USHBP1: variants seen among roughly 807,000 people sequenced by gnomAD.
The protein encoded by USHBP1 is USH1 protein network component harmonin binding protein 1.
A neutral mutation model predicts 76.2 loss-of-function variants in USHBP1; 67 were observed. The observed-to-expected ratio is 0.88, with a 90% CI of 0.72 to 1.08. The LOEUF (loss-of-function observed/expected upper bound fraction) is 1.08, where lower values mean the gene tolerates loss of function less well. USHBP1 is among the 50% of genes least tolerant of loss of function. USHBP1 has a pLI of 0.00. For synonymous variants in USHBP1, 322 were observed against 362.2 expected, an observed-to-expected ratio of 0.89 and a Z score of 1.26; for missense variants, 931 against 915.0, an observed-to-expected ratio of 1.02 and a Z score of -0.23.
rs373703422 is a variant in USHBP1, at chr19:17,258,204, G to A, written c.1220+8C>T. 2.7e-5 allele frequency: 44 copies of A among 1,613,226 alleles called. No homozygotes were observed. The highest frequency in any genetic ancestry group is 3.6e-5 in the Non-Finnish European group (42 of 1,180,020). Reference sequence around the variant, plus strand: ...ACCAGGCCAGTTCCCAGGGTTCCAGGGGGGTACCTTGGCTGTGGATTCTGC... The same window carrying A: ...ACCAGGCCAGTTCCCAGGGTTCCAGAGGGGTACCTTGGCTGTGGATTCTGC... On this transcript the variant is annotated splice_region_variant and intron_variant, in intron 8 of 12. Transcript: ENST00000252597.
intron 12 of USHBP1, among the ~76,000 whole-genome samples, chr19:17,250,885 G>A (rs2073542207): frequency 6.8e-6 from 1 of 146,884 alleles, no homozygotes; most frequent in East Asian, 2.0e-4. Context: ...TTTGAGATGG[G>A]GTTTCGCTCT....
Position 17,264,231 on chromosome 19 carries a change from G to C in USHBP1, c.54+15C>G, listed in dbSNP as rs765207550. On this transcript the variant is annotated intron_variant, in intron 2 of 12. Coordinates refer to ENST00000252597, the MANE Select transcript of USHBP1 (RefSeq NM_031941.4). ...CCCCAGGATCTGGGTGTGGAGGGGA[G>C]AGGGTGACACTTACGGGTGGAGCAT... 5.0e-6 allele frequency: 8 copies of C among 1,613,774 alleles called. No homozygotes were observed. The highest frequency in any genetic ancestry group is 6.8e-6 in the Non-Finnish European group (8 of 1,179,920).
At chr19:17,261,907 A>G (rs1006287903) in intron 4 of USHBP1, among the ~76,000 whole-genome samples, 1 of 147,250 alleles carries the variant, frequency 6.8e-6, no homozygotes, top group African/African-American at 2.5e-5. Context: ...CTGGTCTCTA[A>G]CTCCTGGCCT....
At chr19:17,259,789 A>T in intron 5 of USHBP1, 57 bp from the exon 6 acceptor site, 1 of 1,579,950 alleles carries the variant, frequency 6.3e-7, no homozygotes, top group Non-Finnish European at 8.6e-7. Flanking sequence ...CTGGGATTGT[A>T]GGCATTTTGC....
At chr19:17,255,163 G>C (rs775130541) in intron 10 of USHBP1, among the ~76,000 whole-genome samples, 7 of 151,892 alleles carry the variant, frequency 4.6e-5, no homozygotes, top group African/African-American at 1.7e-4. Context: ...GTGGTGGTGC[G>C]TGTCTGTAAT....
intron 8 of USHBP1, 40 bp downstream of exon 8, chr19:17,258,172 C>T: frequency 6.2e-7 from 1 of 1,610,734 alleles, no homozygotes; most frequent in Non-Finnish European, 8.5e-7. Flanking sequence ...CAAGACCCCA[C>T]TCCTCAACCA....
chr19:17,253,658 C>T (rs139042930), intron 10 of USHBP1, among the ~76,000 whole-genome samples: 3,520 of 145,664 alleles, frequency 0.024, 108 homozygotes, highest in African/African-American at 0.074. Flanking sequence ...TTTGGGAGGC[C>T]GAGACGGGCG....
At position 17,262,866 on chromosome 19, in the gene USHBP1, G is replaced by GCA; in HGVS notation, c.326_327dup (p.Pro110CysfsTer18). On this transcript the variant is annotated frameshift_variant, in exon 4 of 13. Transcript: ENST00000252597. LOFTEE classifies it high-confidence loss of function. ...ACATCGGGGGCCCCATTCCCAGGGG[G>GCA]CACAGTCTCCTTGTACTGTAGGGCT... 1.9e-6 allele frequency: 3 copies of GCA among 1,612,716 alleles called. No homozygotes were observed. Among genetic ancestry groups the GCA allele is most frequent in the Non-Finnish European group, 2.5e-6 (3 of 1,179,072 alleles).
rs2073706498 is a variant in USHBP1 at position 17,262,780 on chromosome 19, G to A, written c.414C>T (p.His138=). ...SLEAAAAAWR[H]QPPSHSGPME... ...TCGGCCCAGAATGGCTGGGGGGCTG[G>A]TGGCGCCAGGCTGCAGCCGCTGCCT... Residue 138 remains histidine (H), a synonymous_variant, in exon 4 of 13, where the codon CAC becomes CAT. Coordinates refer to ENST00000252597, the MANE Select transcript of USHBP1 (RefSeq NM_031941.4). 1 of 1,614,124 alleles carries A rather than the reference G, an allele frequency of 6.2e-7. No homozygotes were observed.
At chr19:17,251,315 A>G (rs1359945257) in intron 12 of USHBP1, among the ~76,000 whole-genome samples, 1 of 149,110 alleles carries the variant, frequency 6.7e-6, no homozygotes, top group East Asian at 2.0e-4. Context: ...AGGCACGTGC[A>G]AAGACGCCTA....
In USHBP1 at chr19:17,262,951, C is replaced by A. The variant is rs200826904; in HGVS notation, c.243G>T (p.Leu81=). Residue 81 remains leucine, a synonymous_variant, in exon 4 of 13, where the codon CTG becomes CTT. Transcript: ENST00000252597. The part of the protein sequence containing the change: ...KKMDGGSGRE[L]ASAPEVPHKP... Reference sequence around the variant, plus strand: ...TGTGGGGCACTTCGGGGGCTGAGGCCAGTTCCCTGCCAGAGCCCCCATCCA... The same window carrying A: ...TGTGGGGCACTTCGGGGGCTGAGGCAAGTTCCCTGCCAGAGCCCCCATCCA... 2,552 of 1,529,706 alleles carry A rather than the reference C, an allele frequency of 1.7e-3. 73 individuals carry two copies. In the South Asian group the frequency reaches 0.031, roughly 19 times the overall value. 94.8% of individuals were successfully genotyped at this position (1,529,706 alleles called of 1,614,324 possible).
intron 9 of USHBP1, 132 bp downstream of exon 9, chr19:17,256,339 G>T: frequency 7.3e-7 from 1 of 1,361,442 alleles, no homozygotes; most frequent in Non-Finnish European, 1.0e-6. Flanking sequence ...CAAAACCCCA[G>T]CTCCAATTCT....
In USHBP1 at chr19:17,258,368, G is replaced by A. The variant is rs1461976231; in HGVS notation, c.1064C>T (p.Ala355Val). 2.5e-6 allele frequency: 4 copies of A among 1,613,684 alleles called. No homozygotes were observed. In the Admixed American group the frequency reaches 6.7e-5, roughly 27 times the overall value. Reference protein sequence around the residue: ...ALQYSEHCEEAYRVLLALREA... With the variant: ...ALQYSEHCEEVYRVLLALREA... Reference sequence around the variant, plus strand: ...CCGCAGAGCAAGCAGAACCCTGTATGCCTCTTCACAGTGTTCACTGTGGGA... The same window carrying A: ...CCGCAGAGCAAGCAGAACCCTGTATACCTCTTCACAGTGTTCACTGTGGGA... The change falls in exon 8 of 13, where the codon GCA becomes GTA. Residue 355 changes from alanine (A) to valine (V), a missense_variant. Coordinates refer to ENST00000252597, the MANE Select transcript of USHBP1 (RefSeq NM_031941.4).
rs2073533882 is a variant in USHBP1, at chr19:17,250,326, GAGCCTCC to G, written c.2004_2010del (p.Met668IlefsTer52). On this transcript the variant is annotated frameshift_variant, in exon 13 of 13. Coordinates refer to ENST00000252597, the MANE Select transcript of USHBP1 (RefSeq NM_031941.4). LOFTEE classifies it low-confidence loss of function (END_TRUNC). ...AGCACCGCCACCTCCTCGGCCTGCT[GAGCCTCC>G]ATGAGTGCCATCTGCTGCTCCAACT... 24 of 1,613,402 alleles carry G rather than the reference GAGCCTCC, an allele frequency of 1.5e-5. No individual in the cohort carries two copies. The highest frequency in any genetic ancestry group is 1.9e-5 in the Non-Finnish European group (22 of 1,179,904).
At position 17,264,112 on chromosome 19, in the gene USHBP1, G is replaced by T. The variant is rs1043635275; in HGVS notation, c.93C>A (p.Val31=). The T allele has an allele frequency of 6.2e-7, 1 of 1,614,084 alleles. No homozygotes were observed. The change falls in exon 3 of 13, where the codon GTC becomes GTA. Residue 31 remains valine (V), a synonymous_variant. Coordinates refer to ENST00000252597, the MANE Select transcript of USHBP1 (RefSeq NM_031941.4). ...GCTTGGAGCTCCCACTGGCTGCCTC[G>T]ACCTCCTCTGAACTCTCAGCCACGG... ...LDPVAESSEE[V]EAASGSSKPS... is the part of the protein sequence containing the mutation.
chr19:17,257,178 G>T (rs1282775777), intron 8 of USHBP1, among the ~76,000 whole-genome samples: 1 of 146,676 alleles, frequency 6.8e-6, no homozygotes, highest in African/African-American at 2.5e-5. Context: ...TTGCCACCAC[G>T]CCCGGCTAAT....
chr19:17,256,831 A>G (rs1038587104), intron 8 of USHBP1, 111 bp from the exon 9 acceptor site: 12 of 1,466,580 alleles, frequency 8.2e-6, no homozygotes, highest in Non-Finnish European at 1.0e-5. Context: ...CCACGATGGA[A>G]TCTATGCCAT....
chr19:17,256,134 A>C (rs916223050), intron 9 of USHBP1, among the ~76,000 whole-genome samples: 7 of 152,294 alleles, frequency 4.6e-5, no homozygotes, highest in African/African-American at 1.7e-4. Flanking sequence ...AGTAGCTTAC[A>C]TAGGTCAAGT....
At chr19:17,258,167 C>T (rs761886487) in intron 8 of USHBP1, 45 bp downstream of exon 8, 1 of 1,609,764 alleles carries the variant, frequency 6.2e-7, no homozygotes, top group East Asian at 2.2e-5. Context: ...CCAGTCAAGA[C>T]CCCACTCCTC....
Sources: allele counts gnomAD v4.1 joint callset (sites outside exome capture counted in the v4.1 genomes callset), GRCh38; gene constraint gnomAD v4.1.1; transcripts MANE v1.5; gene names NCBI Gene and HGNC (gene_info 2026-07-23, HGNC 2026-07-21).